Variants in USP10 observed in about 807,000 individuals in gnomAD.
USP10 encodes ubiquitin specific peptidase 10, also known as ubiquitin carboxyl-terminal hydrolase 10.
In USP10, 22 loss-of-function variants were observed where a neutral mutation model predicts 84.5. The observed-to-expected ratio is 0.26, with a 90% CI of 0.19 to 0.37. The LOEUF (loss-of-function observed/expected upper bound fraction) is 0.37. Among genes scored for constraint, USP10 ranks in the 10% least tolerant of loss-of-function variants. The pLI is 1.00. For missense variants in USP10, 1,019 were observed against 998.9 expected, an observed-to-expected ratio of 1.02 and a Z score of -0.27; for synonymous variants, 454 against 387.6, an observed-to-expected ratio of 1.17 and a Z score of -2.01.
intron 8 of USP10, among the ~76,000 whole-genome samples, chr16:84,760,903 C>CT (rs1200343416): frequency 7.2e-5 from 11 of 152,070 alleles, no homozygotes; most frequent in African/African-American, 2.7e-4. Context: ...TGAAATGATG[C>CT]TTAGGGAAAT....
chr16:84,729,785 A>G (rs923724116), intron 1 of USP10, among the ~76,000 whole-genome samples: 3 of 152,238 alleles, frequency 2.0e-5, no homozygotes, highest in Non-Finnish European at 4.4e-5. Flanking sequence ...TATGTGAGCC[A>G]GTGTTAAGGA....
intron 11 of USP10, among the ~76,000 whole-genome samples, chr16:84,768,829 T>C (rs1206816653): frequency 6.6e-6 from 1 of 152,240 alleles, no homozygotes; most frequent in African/African-American, 2.4e-5. Context: ...ATAGTCATTG[T>C]TCTGATGCTT....
At chr16:84,751,455 G>T (rs954622514) in intron 4 of USP10, among the ~76,000 whole-genome samples, 2 of 152,182 alleles carry the variant, frequency 1.3e-5, no homozygotes, top group Non-Finnish European at 2.9e-5. Context: ...GTGGTCATGC[G>T]GCGTGATCTA....
chr16:84,770,324 T>A (rs1425267200), intron 11 of USP10, among the ~76,000 whole-genome samples: 1 of 152,124 alleles, frequency 6.6e-6, no homozygotes, highest in Non-Finnish European at 1.5e-5. Flanking sequence ...TTGAATGTGT[T>A]TTTTTTTAAG....
chr16:84,708,513 A>G (rs1905848067), intron 1 of USP10, among the ~76,000 whole-genome samples: 1 of 152,234 alleles, frequency 6.6e-6, no homozygotes, highest in Non-Finnish European at 1.5e-5. Context: ...CCTTTGCACT[A>G]GATTTATGAG....
chr16:84,719,974 C>G (rs1046749538), intron 1 of USP10, among the ~76,000 whole-genome samples: 1 of 152,176 alleles, frequency 6.6e-6, no homozygotes, highest in Non-Finnish European at 1.5e-5. Context: ...CTTTTTACTT[C>G]TTCAACCAAA....
rs1910986649 is a variant in USP10, at chr16:84,744,576, C to G, written c.152-57C>G. 6.3e-6 allele frequency: 9 copies of G among 1,432,868 alleles called. No individual in the cohort carries two copies. The South Asian group carries it at 1.3e-4, about 21-fold the overall frequency. 88.8% of individuals were successfully genotyped at this position (1,432,868 alleles called of 1,614,324 possible). On this transcript the variant is annotated intron_variant, in intron 3 of 13. Transcript: ENST00000219473. ...TTTTCAAAGAGAAAGTGAGTAATTA[C>G]TGGTACTTAGAGTTTGTAGAACTGG...
chr16:84,768,489 T>G (rs975542830), intron 11 of USP10, 131 bp downstream of exon 11: 2 of 884,714 alleles, frequency 2.3e-6, no homozygotes, highest in Non-Finnish European at 3.2e-6. Context: ...CATTTTGTAC[T>G]GAAAGTTTTT....
chr16:84,726,139 TA>T (rs1171645502), intron 1 of USP10, among the ~76,000 whole-genome samples: 7 of 152,206 alleles, frequency 4.6e-5, no homozygotes, highest in African/African-American at 1.7e-4. Flanking sequence ...CAGAGAATGT[TA>T]ATTTGGAACA....
In USP10 at chr16:84,744,935, A is replaced by G. The variant is rs1280990342; in HGVS notation, c.454A>G (p.Lys152Glu). 1 of 1,613,806 alleles carries G rather than the reference A, an allele frequency of 6.2e-7. No individual in the cohort carries two copies. The highest frequency in any genetic ancestry group is 1.7e-5 in the Admixed American group (1 of 60,020). Residue 152 changes from lysine (K) to glutamate (E), a missense_variant, in exon 4 of 14, where the codon AAG (lysine) becomes GAG (glutamate). Transcript: ENST00000219473. The stretch of plus-strand genomic sequence containing the variant: ...TCTTGGACAAAGGGAGCGTAAAAAG[A>G]AGAAAAAGCGGCCACCTGGATATTA... The part of the protein sequence containing the change: ...GGLGQRERKK[K>E]KKRPPGYYSY...
chr16:84,749,763 T>G (rs182395568), intron 4 of USP10, among the ~76,000 whole-genome samples: 68 of 152,280 alleles, frequency 4.5e-4, no homozygotes, highest in African/African-American at 1.6e-3. Flanking sequence ...AAGAATCACG[T>G]ATAAGGGATT....
intron 11 of USP10, among the ~76,000 whole-genome samples, chr16:84,768,971 C>T (rs1166828869): frequency 6.6e-6 from 1 of 152,186 alleles, no homozygotes; most frequent in African/African-American, 2.4e-5. Flanking sequence ...GCATTCTGCC[C>T]TGTGAGAGCT....
chr16:84,733,007 A>G, intron 1 of USP10: 1 of 427,624 alleles, frequency 2.3e-6, no homozygotes, highest in South Asian at 1.7e-5. Context: ...CCTTTTTTGG[A>G]TTTCCTTGTC....
At chr16:84,728,665 C>T (rs1026461031) in intron 1 of USP10, among the ~76,000 whole-genome samples, 1 of 151,534 alleles carries the variant, frequency 6.6e-6, no homozygotes, top group African/African-American at 2.4e-5. Context: ...AATTTATGTC[C>T]GTCCACTCAC....
At chr16:84,704,833 C>G (rs898366783) in intron 1 of USP10, 3 of 1,535,598 alleles carry the variant, frequency 2.0e-6, no homozygotes, top group Non-Finnish European at 1.7e-6. Context: ...ACATCATGCC[C>G]TGGTTGCCCT....
At chr16:84,746,067 C>T (rs969338131) in intron 4 of USP10, among the ~76,000 whole-genome samples, 3 of 150,856 alleles carry the variant, frequency 2.0e-5, no homozygotes, top group Non-Finnish European at 2.9e-5. Context: ...TCTTAAGATA[C>T]AAGAAATCAT....
rs1486597638 is a variant in USP10, at chr16:84,711,559, A to T, written c.21+11448A>T. On this transcript the variant is annotated intron_variant, in intron 1 of 13. Transcript: ENST00000219473. ...GTCAGGTGAGGAAATTCTAGTCTCT[A>T]GTTTTTCCCAAACTGGTGCTGAAAT... Among the ~76,000 whole-genome samples the T allele has an allele frequency of 2.0e-5, 3 of 152,164 alleles. No homozygotes were observed. In the East Asian group the frequency reaches 5.8e-4, roughly 29 times the overall value.
At chr16:84,702,743 A>T (rs958040810) in intron 1 of USP10, among the ~76,000 whole-genome samples, 1 of 152,156 alleles carries the variant, frequency 6.6e-6, no homozygotes, top group Non-Finnish European at 1.5e-5. Context: ...CTGTAATCCC[A>T]GCACTTTGGG....
At chr16:84,724,179 A>C (rs1908164017) in intron 1 of USP10, among the ~76,000 whole-genome samples, 1 of 152,206 alleles carries the variant, frequency 6.6e-6, no homozygotes, top group Admixed American at 6.5e-5. Context: ...GAGCAAAGCG[A>C]GTTAAAATTT....
Sources: allele counts gnomAD v4.1 joint callset (sites outside exome capture counted in the v4.1 genomes callset), GRCh38; gene constraint gnomAD v4.1.1; transcripts MANE v1.5; gene names NCBI Gene and HGNC (gene_info 2026-07-23, HGNC 2026-07-21).